Variants in MGAM observed in about 807,000 individuals in gnomAD.
MGAM encodes alpha-1,4-glucosidase.
In MGAM, 253 loss-of-function variants were observed where a neutral mutation model predicts 358.8. The observed-to-expected ratio is 0.71, with a 90% CI of 0.64 to 0.78. The LOEUF (loss-of-function observed/expected upper bound fraction) is 0.78, where lower values mean the gene tolerates loss of function less well. MGAM is among the 30% of genes least tolerant of loss of function. The pLI is 0.00. For missense variants in MGAM, 3,080 were observed against 3,432.6 expected, an observed-to-expected ratio of 0.90 and a Z score of 2.57; for synonymous variants, 1,105 against 1,227.1, an observed-to-expected ratio of 0.90 and a Z score of 2.08.
chr7:142,043,828 T>C (rs1211423474), intron 21 of MGAM, among the ~76,000 whole-genome samples: 1 of 102,684 alleles, frequency 9.7e-6, no homozygotes, highest in African/African-American at 2.9e-5. Flanking sequence ...ACGTATAATA[T>C]ATACATTATA....
chr7:141,988,986 G>A (rs1554446774), intron 2 of MGAM, among the ~76,000 whole-genome samples: 1 of 152,148 alleles, frequency 6.6e-6, no homozygotes, highest in Non-Finnish European at 1.5e-5. Context: ...AAAACAACTT[G>A]GCTGCAATAA....
intron 33 of MGAM, 141 bp from the exon 34 acceptor site, chr7:142,060,170 C>A: frequency 7.5e-7 from 1 of 1,331,808 alleles, no homozygotes; most frequent in South Asian, 1.3e-5. Context: ...TTATGGAGTT[C>A]ACTTTTCTTT....
chr7:142,030,536 C>T (rs782153612), intron 11 of MGAM, 43 bp downstream of exon 11: 2 of 1,611,746 alleles, frequency 1.2e-6, no homozygotes, highest in African/African-American at 1.3e-5. Flanking sequence ...ATTTGCTCCT[C>T]CGTATCATAC....
intron 4 of MGAM, among the ~76,000 whole-genome samples, 166 bp downstream of exon 4, chr7:142,019,485 A>G (rs1292679827): frequency 2.0e-5 from 3 of 152,248 alleles, no homozygotes; most frequent in African/African-American, 7.2e-5. Context: ...GTGGGCACCA[A>G]GGAAAAATTA....
intron 23 of MGAM, 135 bp from the exon 24 acceptor site, chr7:142,050,562 A>C: frequency 1.0e-6 from 1 of 980,042 alleles, no homozygotes; most frequent in Non-Finnish European, 1.6e-6. Flanking sequence ...CTTCTTCAGC[A>C]CACACTAGTA....
chr7:142,095,319 T>C (rs546215716), intron 63 of MGAM, among the ~76,000 whole-genome samples: 2 of 152,382 alleles, frequency 1.3e-5, no homozygotes, highest in South Asian at 4.1e-4. Flanking sequence ...TGTTTTGTTC[T>C]TCTTGTTTGG....
intron 1 of MGAM, among the ~76,000 whole-genome samples, chr7:142,002,977 C>CAATAAAATAA (rs55847571): frequency 3.5e-4 from 53 of 150,542 alleles, no homozygotes; most frequent in African/African-American, 1.2e-3. Flanking sequence ...ATCCCATTTA[C>CAATAAAATAA]AATAAAATAA....
chr7:142,011,298 T>A (rs1156704444), intron 3 of MGAM, among the ~76,000 whole-genome samples: 5 of 152,212 alleles, frequency 3.3e-5, no homozygotes, highest in Non-Finnish European at 7.3e-5. Context: ...CAAATTCCAG[T>A]TTATTATCAA....
At position 142,056,881 on chromosome 7, in the gene MGAM, T is replaced by C; in HGVS notation, c.3632T>C (p.Val1211Ala). The change falls in exon 30 of 71, where the codon GTT becomes GCT. Residue 1211 changes from valine to alanine, a missense_variant. This residue lies in a region of MGAM where 1,816 missense variants were observed against 1,840.5 expected (regional missense o/e 0.99). Coordinates refer to ENST00000475668, the MANE Select transcript of MGAM (RefSeq NM_001365693.1). ...TTGACATACCGCACCACAGGGGGAG[T>C]TCTGGACTTTTATGTGTTCTTGGGG... ...PALTYRTTGG[V>A]LDFYVFLGPT... The C allele has an allele frequency of 6.2e-7, 1 of 1,613,610 alleles. No homozygotes were observed. The highest frequency in any genetic ancestry group is 8.5e-7 in the Non-Finnish European group (1 of 1,179,780).
intron 32 of MGAM, 41 bp downstream of exon 32, chr7:142,059,641 G>A: frequency 6.2e-7 from 1 of 1,608,226 alleles, no homozygotes; most frequent in Non-Finnish European, 8.5e-7. Flanking sequence ...TTTGGGAGCA[G>A]GTATGGGCTT....
intron 70 of MGAM, among the ~76,000 whole-genome samples, chr7:142,104,806 C>T (rs1816712278): frequency 6.6e-6 from 1 of 152,162 alleles, no homozygotes; most frequent in South Asian, 2.1e-4. Flanking sequence ...GGGATTAATG[C>T]TGTGTAGTGG....
At chr7:142,066,340 A>G (rs1196428862) in intron 40 of MGAM, among the ~76,000 whole-genome samples, 1 of 146,092 alleles carries the variant, frequency 6.8e-6, no homozygotes, top group Non-Finnish European at 1.5e-5. Flanking sequence ...TATTTCAGGC[A>G]GAATTTTACC....
At chr7:142,023,368 CT>C (rs1293380124) in intron 7 of MGAM, among the ~76,000 whole-genome samples, 1 of 151,664 alleles carries the variant, frequency 6.6e-6, no homozygotes, top group Non-Finnish European at 1.5e-5. Context: ...CCCAGCTGGG[CT>C]TTCTTGACTA....
rs1208748546 is a variant in MGAM at position 142,093,531 on chromosome 7, C to A, written c.7153C>A (p.Gln2385Lys). The A allele has an allele frequency of 6.7e-7, 1 of 1,502,046 alleles. No homozygotes were observed. The highest frequency in any genetic ancestry group is 1.4e-5 in the African/African-American group (1 of 73,132). The allele number at this position is 1,502,046 out of a possible 1,614,324, so 93.0% of individuals were successfully genotyped here. Reference sequence around the variant, plus strand: ...TGTGCACAACCTGTACGGGTGGTCCCAGACCAGACCCACATACGAGTGAGT... The same window carrying A: ...TGTGCACAACCTGTACGGGTGGTCCAAGACCAGACCCACATACGAGTGAGT... ...YNVHNLYGWS[Q>K]TRPTYEAVQE... Residue 2385 changes from glutamine to lysine, a missense_variant, in exon 60 of 71, where the codon CAG becomes AAG. Coordinates refer to ENST00000475668, the MANE Select transcript of MGAM (RefSeq NM_001365693.1).
At chr7:142,008,826 G>A (rs1425090829) in intron 3 of MGAM, 121 bp downstream of exon 3, 29 of 988,842 alleles carry the variant, frequency 2.9e-5, no homozygotes, top group Non-Finnish European at 3.5e-5. Flanking sequence ...TTATGTTGCA[G>A]CCATTAGTGG....
intron 3 of MGAM, among the ~76,000 whole-genome samples, chr7:142,016,163 A>G (rs1805950041): frequency 6.6e-6 from 1 of 151,878 alleles, no homozygotes; most frequent in African/African-American, 2.4e-5. Flanking sequence ...CTCTCTTTTA[A>G]GTGTTAAGAA....
chr7:142,086,809 G>A lies in MGAM; in HGVS notation c.6810+92G>A. 3.2e-6 allele frequency: 2 copies of A among 623,486 alleles called. 1 individual carries two copies. Among genetic ancestry groups the A allele is most frequent in the South Asian group, 4.4e-5 (2 of 45,310 alleles). 38.6% of individuals were successfully genotyped at this position (623,486 alleles called of 1,614,324 possible). On this transcript the variant is annotated intron_variant, in intron 57 of 70. Coordinates refer to ENST00000475668, the MANE Select transcript of MGAM (RefSeq NM_001365693.1). ...GTGGACATGCCTGTACTGTGGACAT[G>A]GGCTTGGCAAGGGAGAAACACTTAG...
intron 68 of MGAM, 112 bp from the exon 69 acceptor site, chr7:142,102,518 C>T: frequency 1.0e-6 from 1 of 1,000,548 alleles, no homozygotes; most frequent in Non-Finnish European, 1.5e-6. Flanking sequence ...AAAGATAAGC[C>T]TTACTCTCTC....
intron 45 of MGAM, among the ~76,000 whole-genome samples, chr7:142,074,491 G>A (rs968214040): frequency 2.7e-5 from 4 of 146,050 alleles, no homozygotes; most frequent in African/African-American, 4.9e-5. Flanking sequence ...GTCTTCCTCC[G>A]AAAATTCTTA....
Sources: allele counts gnomAD v4.1 joint callset (sites outside exome capture counted in the v4.1 genomes callset), GRCh38; gene constraint gnomAD v4.1.1; regional missense constraint gnomAD v4.1.1; transcripts MANE v1.5; gene names NCBI Gene and HGNC (gene_info 2026-07-23, HGNC 2026-07-21).